The following OCLN variants were observed in gnomAD, a reference collection of about 807,000 sequenced individuals.
The protein encoded by OCLN is occludin.
OCLN carries 21 observed loss-of-function variants against 47.9 expected under a neutral mutation model. The observed-to-expected ratio is 0.44, with a 90% CI of 0.31 to 0.63. The LOEUF (loss-of-function observed/expected upper bound fraction) is 0.63. Among genes scored for constraint, OCLN ranks in the 30% least tolerant of loss-of-function variants. The probability of loss-of-function intolerance (pLI) is 0.08; values close to 1 mark genes in which losing one functional copy is unlikely to be tolerated. For synonymous variants in OCLN, 117 were observed against 198.4 expected (o/e 0.59, Z 3.45); for missense variants, 360 against 571.0 (o/e 0.63, Z 3.77).
intron 5 of OCLN, among the ~76,000 whole-genome samples, chr5:69,537,791 A>ACG: frequency 3.1e-5 from 1 of 32,294 alleles, no homozygotes; most frequent in African/African-American, 1.5e-4. Flanking sequence ...ACACACACAC[A>ACG]CACACACAAA....
At chr5:69,510,108 G>A (rs1436410436) in intron 3 of OCLN, among the ~76,000 whole-genome samples, 7 of 152,124 alleles carry the variant, frequency 4.6e-5, no homozygotes, top group South Asian at 2.1e-4. Context: ...ACTTGTACCC[G>A]TTAGCGGTCA....
intron 1 of OCLN, among the ~76,000 whole-genome samples, chr5:69,500,878 A>T (rs1391155613): frequency 1.3e-5 from 2 of 152,094 alleles, no homozygotes. Flanking sequence ...TCAGCTTCAG[A>T]ACTAGGATCC....
intron 4 of OCLN, among the ~76,000 whole-genome samples, chr5:69,529,316 A>G (rs572342617): frequency 6.6e-5 from 10 of 152,334 alleles, no homozygotes; most frequent in African/African-American, 2.4e-4. Context: ...GGAGTGTTAG[A>G]TGTTGTTTGT....
At chr5:69,516,556 T>C (rs1768978245) in intron 4 of OCLN, among the ~76,000 whole-genome samples, 1 of 152,100 alleles carries the variant, frequency 6.6e-6, no homozygotes, top group Non-Finnish European at 1.5e-5. Context: ...ACTTTTGACA[T>C]AGATAACAGC....
Position 69,508,917 on chromosome 5 carries a change from T to C in OCLN, c.51-224T>C, listed in dbSNP as rs73116901. Among the ~76,000 whole-genome samples, 12,478 of 152,242 alleles carry C rather than the reference T, an allele frequency of 0.082. 1,694 individuals are homozygous for C. Among genetic ancestry groups the C allele is most frequent in the African/African-American group, 0.28 (11,641 of 41,496 alleles). ...CATTCAAGGATGTTTATAGTTAAAC[T>C]GTTTACAATACCCCCAAACAGAGAT... On this transcript the variant is annotated intron_variant, in intron 2 of 8. Transcript: ENST00000396442.
In OCLN at chr5:69,493,993, G is replaced by A. The variant is rs1246636306; in HGVS notation, c.-69+1093G>A. On this transcript the variant is annotated intron_variant, in intron 1 of 8. Coordinates refer to ENST00000396442, the MANE Select transcript of OCLN (RefSeq NM_001205254.2). The surrounding 1 kb of genome is among the most constrained non-coding windows in gnomAD (Gnocchi z 5.3). The stretch of plus-strand genomic sequence containing the variant: ...GAATTACCCTGCTCGAGGAGGAGGC[G>A]GCGGCTTTCCAGGCCAGTCAGTGTG... 1.3e-5 allele frequency among the ~76,000 whole-genome samples: 2 copies of A among 152,230 alleles called. No individual in the cohort carries two copies. Among genetic ancestry groups the A allele is most frequent in the African/African-American group, 4.8e-5 (2 of 41,470 alleles).
At chr5:69,501,631 GA>G (rs33957614) in intron 1 of OCLN, among the ~76,000 whole-genome samples, 88,852 of 145,556 alleles carry the variant, frequency 0.61, 29,450 homozygotes, top group Non-Finnish European at 0.76. Context: ...TGTCTCAAAA[GA>G]AAAAAAAAAA....
chr5:69,500,965 C>T (rs375250656), intron 1 of OCLN, among the ~76,000 whole-genome samples: 2 of 152,068 alleles, frequency 1.3e-5, no homozygotes, highest in East Asian at 3.9e-4. Context: ...GTCACCCACG[C>T]TGGAGTGCAG....
At chr5:69,516,285 C>T (rs934761560) in intron 4 of OCLN, among the ~76,000 whole-genome samples, 2 of 152,352 alleles carry the variant, frequency 1.3e-5, no homozygotes, top group African/African-American at 4.8e-5. Flanking sequence ...AGTCGCAGTT[C>T]GGAGCTGGAG....
chr5:69,520,917 A>G (rs1769120083), intron 4 of OCLN, among the ~76,000 whole-genome samples: 1 of 152,082 alleles, frequency 6.6e-6, no homozygotes, highest in Non-Finnish European at 1.5e-5. Flanking sequence ...GCGCAATCTC[A>G]GCTCACTACA....
rs971843469 is a variant in OCLN at position 69,493,823 on chromosome 5, T to G, written c.-69+923T>G. Among the ~76,000 whole-genome samples, 4 of 151,958 alleles carry G rather than the reference T, an allele frequency of 2.6e-5. No homozygotes were observed. The highest frequency in any genetic ancestry group is 9.7e-5 in the African/African-American group (4 of 41,380). ...GGAGGAAGCGTGCGGGGAGCAGGGG[T>G]CGAGGGCCAAGATGGCCTCTGCGCC... is the stretch of plus-strand genomic sequence containing the variant. On this transcript the variant is annotated intron_variant, in intron 1 of 8. Coordinates refer to ENST00000396442, the MANE Select transcript of OCLN (RefSeq NM_001205254.2). The surrounding 1 kb of genome is among the most constrained non-coding windows in gnomAD (Gnocchi z 5.3).
chr5:69,496,102 CTTTTT>C (rs375038844), intron 1 of OCLN, among the ~76,000 whole-genome samples: 7 of 143,226 alleles, frequency 4.9e-5, no homozygotes, highest in African/African-American at 1.8e-4. Context: ...ACAACTTAAA[CTTTTT>C]TTTTTTTTTT....
intron 4 of OCLN, among the ~76,000 whole-genome samples, chr5:69,525,762 C>G (rs1408902321): frequency 1.3e-5 from 2 of 152,100 alleles, no homozygotes; most frequent in Non-Finnish European, 2.9e-5. Flanking sequence ...ATGACTAACC[C>G]TTTATAGATA....
intron 7 of OCLN, among the ~76,000 whole-genome samples, chr5:69,549,906 G>T (rs1220476738): frequency 6.7e-6 from 1 of 148,814 alleles, no homozygotes. Flanking sequence ...TTATTGTGGG[G>T]TTTTATCTTT....
In OCLN at chr5:69,505,917, T is replaced by A. The variant is rs575591600; in HGVS notation, c.50+1623T>A. On this transcript the variant is annotated intron_variant, in intron 2 of 8. Coordinates refer to ENST00000396442, the MANE Select transcript of OCLN (RefSeq NM_001205254.2). ...ACAATAGCTGTGTGTCCTCTAATTA[T>A]CAGTTCAATTCTGACACTGTCAGAG... 2.6e-5 allele frequency among the ~76,000 whole-genome samples: 4 copies of A among 152,300 alleles called. No homozygotes were observed. In the East Asian group the frequency reaches 7.7e-4, roughly 29 times the overall value.
chr5:69,521,161 G>A (rs1769128387), intron 4 of OCLN, among the ~76,000 whole-genome samples: 1 of 152,168 alleles, frequency 6.6e-6, no homozygotes, highest in South Asian at 2.1e-4. Flanking sequence ...CCAAAAATTG[G>A]TGTTATTTTA....
At chr5:69,525,346 C>T (rs1359564652) in intron 4 of OCLN, among the ~76,000 whole-genome samples, 3 of 151,970 alleles carry the variant, frequency 2.0e-5, no homozygotes, top group Admixed American at 6.5e-5. Context: ...CCTCATGATC[C>T]GCCCGCCTCA....
chr5:69,525,890 G>A (rs1212221551), intron 4 of OCLN, among the ~76,000 whole-genome samples: 6 of 152,128 alleles, frequency 3.9e-5, no homozygotes, highest in Admixed American at 3.3e-4. Context: ...TGTTTCCACT[G>A]TGATAAAAGT....
chr5:69,536,892 C>T (rs879289217), intron 5 of OCLN, among the ~76,000 whole-genome samples: 13 of 151,522 alleles, frequency 8.6e-5, no homozygotes, highest in South Asian at 2.1e-4. Flanking sequence ...GGCGTGAACC[C>T]GGGAGGTGGA....
Sources: allele counts gnomAD v4.1 joint callset (sites outside exome capture counted in the v4.1 genomes callset), GRCh38; gene constraint gnomAD v4.1.1; non-coding constraint Gnocchi (gnomAD v3.1); transcripts MANE v1.5; gene names NCBI Gene and HGNC (gene_info 2026-07-23, HGNC 2026-07-21).